Variants in D2HGDH observed in about 807,000 individuals in gnomAD.
D2HGDH encodes D-2-hydroxyglutarate dehydrogenase, mitochondrial.
In D2HGDH, 31 loss-of-function variants were observed where a neutral mutation model predicts 46.9. The observed-to-expected ratio is 0.66, with a 90% CI of 0.50 to 0.89. D2HGDH has a LOEUF of 0.89. D2HGDH is among the 40% of genes least tolerant of loss of function. The pLI is 0.00. For missense variants in D2HGDH, 698 were observed against 720.8 expected, an observed-to-expected ratio of 0.97 and a Z score of 0.36; for synonymous variants, 364 against 332.6, an observed-to-expected ratio of 1.09 and a Z score of -1.03.
chr2:241,739,484 A>G (rs1236771288), intron 2 of D2HGDH, among the ~76,000 whole-genome samples: 3 of 152,224 alleles, frequency 2.0e-5, no homozygotes, highest in Admixed American at 2.0e-4. Flanking sequence ...TGAAAGAGAC[A>G]TAAGTGGCTT....
chr2:241,746,299 C>G (rs1695843142), intron 6 of D2HGDH, among the ~76,000 whole-genome samples: 1 of 152,154 alleles, frequency 6.6e-6, no homozygotes. Context: ...ATGCCCTCTT[C>G]TGCTGTGTTT....
At chr2:241,739,841 CT>C (rs1693961430) in intron 2 of D2HGDH, among the ~76,000 whole-genome samples, 1 of 152,236 alleles carries the variant, frequency 6.6e-6, no homozygotes, top group Non-Finnish European at 1.5e-5. Flanking sequence ...AAAGCCCTCC[CT>C]CGTGGCAGAG....
chr2:241,735,425 G>C lies in D2HGDH; in HGVS notation c.201G>C (p.Leu67=). 1 of 1,607,886 alleles carries C rather than the reference G, an allele frequency of 6.2e-7. No homozygotes were observed. The change falls in exon 2 of 10, where the codon CTG becomes CTC. Residue 67 remains leucine (L), a synonymous_variant. Transcript: ENST00000321264. The stretch of plus-strand genomic sequence containing the variant: ...TCTCCACGGTGTCTAAGCAGGACCT[G>C]GCCGCCTTTGAGCGCATCGTGCCCG... ...LPFSTVSKQD[L]AAFERIVPGG...
chr2:241,760,067 A>AATCT (rs71052606), intron 9 of D2HGDH, among the ~76,000 whole-genome samples: 1 of 142,500 alleles, frequency 7.0e-6, no homozygotes, highest in East Asian at 2.1e-4. Flanking sequence ...GGCCTTACCC[A>AATCT]GTCGAAGGCC....
chr2:241,742,616 G>A lies in D2HGDH; in HGVS notation c.490+42G>A. Reference sequence around the variant, plus strand: ...CGTCGGGGCCCAGGAGTCCCTCCTGGTGCTGGTGGAGTTCTTCCTTGCCAG... The same window carrying A: ...CGTCGGGGCCCAGGAGTCCCTCCTGATGCTGGTGGAGTTCTTCCTTGCCAG... On this transcript the variant is annotated intron_variant, in intron 4 of 9. Coordinates refer to ENST00000321264, the MANE Select transcript of D2HGDH (RefSeq NM_152783.5). This position sits in a 1 kb window ranked among gnomAD's most constrained non-coding sequence, Gnocchi z 4.8. The A allele has an allele frequency of 1.9e-6, 3 of 1,612,950 alleles. No homozygotes were observed. Among genetic ancestry groups the A allele is most frequent in the East Asian group, 2.2e-5 (1 of 44,872 alleles).
rs764978274 is a variant in D2HGDH at position 241,744,890 on chromosome 2, G to A, written c.853+13G>A. 5.1e-5 allele frequency: 82 copies of A among 1,613,818 alleles called. No homozygotes were observed. The highest frequency in any genetic ancestry group is 6.4e-5 in the Non-Finnish European group (76 of 1,179,916). The stretch of plus-strand genomic sequence containing the variant: ...GTGGCTTTCCTCGGTGGGCTTCCTC[G>A]ATGTGTGCCTTGAGATGGGTGGTTG... On this transcript the variant is annotated intron_variant, in intron 6 of 9. Coordinates refer to ENST00000321264, the MANE Select transcript of D2HGDH (RefSeq NM_152783.5).
rs4073889 is a variant in D2HGDH, at chr2:241,741,015, A to T, written c.293-18A>T. 3.7e-6 allele frequency: 6 copies of T among 1,610,974 alleles called. No homozygotes were observed. The highest frequency in any genetic ancestry group is 2.2e-5 in the East Asian group (1 of 44,834). On this transcript the variant is annotated intron_variant, in intron 2 of 9. Transcript: ENST00000321264. Reference sequence around the variant, plus strand: ...AGCTCCCCCCACGCTGTCTCATAGGATCTTCTTCCTGTCACAGGCTGTAGC... The same window carrying T: ...AGCTCCCCCCACGCTGTCTCATAGGTTCTTCTTCCTGTCACAGGCTGTAGC...
intron 6 of D2HGDH, chr2:241,748,815 C>T (rs1314172388): frequency 1.7e-6 from 2 of 1,189,084 alleles, no homozygotes; most frequent in Middle Eastern, 2.4e-4. Context: ...TCGGTGGTTC[C>T]TCTTCATCCA....
Position 241,751,353 on chromosome 2 carries a change from G to T in D2HGDH, c.1105G>T (p.Asp369Tyr). Residue 369 changes from aspartate (D) to tyrosine (Y), a missense_variant, in exon 8 of 10, where the codon GAT becomes TAT. Asp to Tyr is a radical substitution (Grantham distance 160). Coordinates refer to ENST00000321264, the MANE Select transcript of D2HGDH (RefSeq NM_152783.5). ...EHALGSGLVTDGTMATDQRKV... is the reference protein window; with the variant it reads ...EHALGSGLVTYGTMATDQRKV... ...CGCGCTGGGCTCCGGCCTGGTGACC[G>T]ATGGGACCATGGCCACCGACCAGAG... 3 of 1,613,698 alleles carry T rather than the reference G, an allele frequency of 1.9e-6. No individual in the cohort carries two copies. Among genetic ancestry groups the T allele is most frequent in the Non-Finnish European group, 2.5e-6 (3 of 1,180,026 alleles).
intron 6 of D2HGDH, among the ~76,000 whole-genome samples, chr2:241,748,281 C>T (rs375557462): frequency 2.8e-4 from 43 of 152,170 alleles, no homozygotes; most frequent in African/African-American, 1.0e-3. Context: ...CCATCACGCC[C>T]AGCTAATTTT....
intron 6 of D2HGDH, chr2:241,749,420 G>C (rs1231110780): frequency 8.2e-7 from 1 of 1,226,014 alleles, no homozygotes; most frequent in African/African-American, 1.6e-5. Context: ...GCCCCCTCCT[G>C]CTGCAGCGTC....
Position 241,743,627 on chromosome 2 carries a change from C to A in D2HGDH, c.496C>A (p.Leu166Met). 1 of 1,613,252 alleles carries A rather than the reference C, an allele frequency of 6.2e-7. No individual in the cohort carries two copies. The highest frequency in any genetic ancestry group is 8.5e-7 in the Non-Finnish European group (1 of 1,179,878). The change falls in exon 5 of 10, where the codon CTG becomes ATG. Residue 166 changes from leucine to methionine, a missense_variant. Physicochemically the swap from Leu to Met is conservative, Grantham distance 15. Coordinates refer to ENST00000321264, the MANE Select transcript of D2HGDH (RefSeq NM_152783.5). This position sits in a 1 kb window ranked among gnomAD's most constrained non-coding sequence, Gnocchi z 4.8. ...VLSFHSVSGI[L>M]VCQAGCVLEE... ...AGCCTGGTCACTCTCTGCAGGAATT[C>A]TGGTTTGCCAGGCGGGCTGCGTCCT...
chr2:241,751,262 C>A lies in D2HGDH; in HGVS notation c.1014C>A (p.Val338=). ...CACTTCTAGAGAGTCCGTTTTACGT[C>A]CTCATCGAGACTTCAGGCTCCAACG... ...ASPVQESPFY[V]LIETSGSNAG... The change falls in exon 8 of 10, where the codon GTC becomes GTA. Residue 338 remains valine (V), a synonymous_variant. Coordinates refer to ENST00000321264, the MANE Select transcript of D2HGDH (RefSeq NM_152783.5). The A allele has an allele frequency of 6.2e-7, 1 of 1,614,026 alleles. No individual in the cohort carries two copies. The highest frequency in any genetic ancestry group is 2.2e-5 in the East Asian group (1 of 44,888).
rs1692507055 is a variant in D2HGDH at position 241,735,484 on chromosome 2, C to T, written c.260C>T (p.Ala87Val). The change falls in exon 2 of 10, where the codon GCT becomes GTT. Residue 87 changes from alanine (A) to valine (V), a missense_variant. Coordinates refer to ENST00000321264, the MANE Select transcript of D2HGDH (RefSeq NM_152783.5). ...GTCACGGACCCGGAAGCGCTGCAGG[C>T]TCCCAACGTGGACTGGTTGCGGACG... ...GVVTDPEALQ[A>V]PNVDWLRTLR... is the part of the protein sequence containing the mutation. 1.2e-6 allele frequency: 2 copies of T among 1,608,582 alleles called. No individual in the cohort carries two copies. Among genetic ancestry groups the T allele is most frequent in the Non-Finnish European group, 1.7e-6 (2 of 1,179,790 alleles).
intron 7 of D2HGDH, 34 bp from the exon 8 acceptor site, chr2:241,751,212 C>G: frequency 6.2e-7 from 1 of 1,613,728 alleles, no homozygotes. Flanking sequence ...CAGCCGGAGC[C>G]TCTGCTCACT....
At chr2:241,745,220 C>T (rs1695556478) in intron 6 of D2HGDH, among the ~76,000 whole-genome samples, 1 of 152,190 alleles carries the variant, frequency 6.6e-6, no homozygotes, top group African/African-American at 2.4e-5. Flanking sequence ...GGCATCAGTT[C>T]AGGACACCAC....
intron 5 of D2HGDH, among the ~76,000 whole-genome samples, chr2:241,744,048 A>G (rs753667092): frequency 6.6e-6 from 1 of 152,156 alleles, no homozygotes; most frequent in Non-Finnish European, 1.5e-5. Flanking sequence ...CCTCGGGGCC[A>G]CACAGAGAGG....
chr2:241,761,403 G>A (rs751370055), intron 9 of D2HGDH, among the ~76,000 whole-genome samples: 6 of 152,152 alleles, frequency 3.9e-5, no homozygotes, highest in Non-Finnish European at 7.3e-5. Context: ...GCCAGGCATG[G>A]TGGCGTGTGC....
rs573690517 is a variant in D2HGDH at position 241,735,193 on chromosome 2, A to G, written c.-32A>G. 16 of 1,496,346 alleles carry G rather than the reference A, an allele frequency of 1.1e-5. No homozygotes were observed. In the South Asian group the frequency reaches 1.9e-4, roughly 18 times the overall value. The allele number at this position is 1,496,346 out of a possible 1,614,324, so 92.7% of individuals were successfully genotyped here. A position where few individuals can be genotyped will look rare whatever the true frequency, so the allele number is the denominator to read the frequency against. On this transcript the variant is annotated 5_prime_UTR_variant, in exon 2 of 10. Transcript: ENST00000321264. ...GGCCCTGAGTACCGGCCCCCCACCAAGGAGGAGCCCGAGGTCTCCGTCCCG... is the reference window on the plus strand; with the variant it reads ...GGCCCTGAGTACCGGCCCCCCACCAGGGAGGAGCCCGAGGTCTCCGTCCCG...
Sources: allele counts gnomAD v4.1 joint callset (sites outside exome capture counted in the v4.1 genomes callset), GRCh38; gene constraint gnomAD v4.1.1; non-coding constraint Gnocchi (gnomAD v3.1); transcripts MANE v1.5; gene names NCBI Gene and HGNC (gene_info 2026-07-23, HGNC 2026-07-21).